The following SULF1 variants were observed in gnomAD, a reference collection of about 807,000 sequenced individuals.
SULF1 encodes sulfatase 1, also known as extracellular sulfatase Sulf-1.
In SULF1, 46 loss-of-function variants were observed where a neutral mutation model predicts 110.5. That is an observed-to-expected ratio of 0.42 (90% CI 0.33 to 0.53). The LOEUF (loss-of-function observed/expected upper bound fraction) is 0.53. Among genes scored for constraint, SULF1 ranks in the 20% least tolerant of loss-of-function variants. The pLI is 0.12. For synonymous variants in SULF1, 371 were observed against 387.1 expected (o/e 0.96, Z 0.49); for missense variants, 941 against 1,094.2 (o/e 0.86, Z 1.98).
At chr8:69,581,340 T>C (rs536892345) in intron 6 of SULF1, among the ~76,000 whole-genome samples, 144 of 152,376 alleles carry the variant, frequency 9.5e-4, no homozygotes, top group African/African-American at 3.3e-3. Flanking sequence ...TCACTATTGC[T>C]GGCTTTAAAA....
chr8:69,589,882 A>G (rs966345326), intron 8 of SULF1, among the ~76,000 whole-genome samples: 5 of 152,212 alleles, frequency 3.3e-5, no homozygotes, highest in Admixed American at 6.5e-5. Flanking sequence ...AAGCTTTGCC[A>G]TCAATATCCA....
intron 13 of SULF1, among the ~76,000 whole-genome samples, chr8:69,608,559 CCTGTAATTCCAG>C (rs1289663192): frequency 6.6e-6 from 1 of 152,026 alleles, no homozygotes; most frequent in South Asian, 2.1e-4. Flanking sequence ...GTGGTGGGCA[CCTGTAATTCCAG>C]CTACTTGGGA....
rs1473830022 is a variant in SULF1 at position 69,651,056 on chromosome 8, C to CTT, written c.2586-7435_2586-7434dup. Among the ~76,000 whole-genome samples, 50 of 137,484 alleles carry CTT rather than the reference C, an allele frequency of 3.6e-4. 3 individuals are homozygous for CTT. Among genetic ancestry groups the CTT allele is most frequent in the African/African-American group, 1.0e-3 (36 of 35,714 alleles). 90.2% of individuals were successfully genotyped at this position (137,484 alleles called of 152,430 possible). A position where few individuals can be genotyped will look rare whatever the true frequency, so the allele number is the denominator to read the frequency against. ...CAACATCTATTCTTTTTTTTCTTTT[C>CTT]TTTTTTTTTTTTTTTGAGACAGAGT... On this transcript the variant is annotated intron_variant, in intron 22 of 22. Coordinates refer to ENST00000402687, the MANE Select transcript of SULF1 (RefSeq NM_001128205.2).
At chr8:69,637,577 G>T (rs927531003) in intron 19 of SULF1, 1 of 153,868 alleles carries the variant, frequency 6.5e-6, no homozygotes, top group Non-Finnish European at 1.4e-5. Context: ...ATTGAAGAAT[G>T]TATTCCAATA....
At chr8:69,598,305 A>G (rs1287188758) in intron 8 of SULF1, among the ~76,000 whole-genome samples, 2 of 152,248 alleles carry the variant, frequency 1.3e-5, no homozygotes, top group Non-Finnish European at 2.9e-5. Flanking sequence ...AGGAAATTCA[A>G]GCGCCTCTGT....
intron 19 of SULF1, among the ~76,000 whole-genome samples, chr8:69,635,466 AAAT>A (rs1450840725): frequency 6.6e-6 from 1 of 152,240 alleles, no homozygotes; most frequent in Non-Finnish European, 1.5e-5. Context: ...TAGTCTATTA[AAAT>A]AATTTTTTAA....
intron 5 of SULF1, among the ~76,000 whole-genome samples, chr8:69,564,841 T>C (rs570054092): frequency 2.6e-5 from 4 of 152,306 alleles, no homozygotes; most frequent in Admixed American, 2.6e-4. Flanking sequence ...GGCCAATTCT[T>C]CTAGTCCACC....
intron 3 of SULF1, among the ~76,000 whole-genome samples, chr8:69,528,836 C>T (rs912120157): frequency 6.6e-6 from 1 of 151,996 alleles, no homozygotes; most frequent in East Asian, 1.9e-4. Flanking sequence ...GTAGTAGTTC[C>T]CTGTCTGTTT....
chr8:69,497,113 A>G (rs1810416025), intron 2 of SULF1, among the ~76,000 whole-genome samples: 1 of 149,126 alleles, frequency 6.7e-6, no homozygotes, highest in Non-Finnish European at 1.5e-5. Flanking sequence ...ACCAGTTATT[A>G]CTTTCCAAGG....
chr8:69,535,595 G>A (rs985648737), intron 3 of SULF1, among the ~76,000 whole-genome samples: 6 of 152,126 alleles, frequency 3.9e-5, no homozygotes, highest in African/African-American at 1.4e-4. Flanking sequence ...AGGATGTAAG[G>A]AGTAAAGCTC....
chr8:69,566,161 G>A (rs1387596473), intron 5 of SULF1, among the ~76,000 whole-genome samples: 4 of 151,982 alleles, frequency 2.6e-5, no homozygotes, highest in Admixed American at 2.0e-4. Context: ...TGTGTTTTAT[G>A]TTGCACTCCT....
intron 3 of SULF1, among the ~76,000 whole-genome samples, chr8:69,514,260 G>A (rs533260157): frequency 3.9e-4 from 60 of 152,306 alleles, no homozygotes; most frequent in African/African-American, 1.2e-3. Flanking sequence ...AAGCATGGAT[G>A]GGGAAGGGCT....
chr8:69,655,242 A>AT lies in SULF1; in HGVS notation c.2586-3261dup, dbSNP rs1203944770. Among the ~76,000 whole-genome samples the AT allele has an allele frequency of 3.9e-5, 6 of 152,122 alleles. No individual in the cohort carries two copies. The East Asian group carries it at 1.2e-3, about 29-fold the overall frequency. ...TGCAGTCTCTGACTCTCTTTTTGGC[A>AT]TTATATGTCTGACAGTGCAAGAGGA... On this transcript the variant is annotated intron_variant, in intron 22 of 22. Transcript: ENST00000402687.
At chr8:69,466,984 CT>C (rs1449695467) in intron 1 of SULF1, 1 of 152,168 alleles carries the variant, frequency 6.6e-6, no homozygotes, top group Non-Finnish European at 1.5e-5. Context: ...TTCTCTCCCC[CT>C]CTCTCTTTTA....
In SULF1 at chr8:69,495,762, C is replaced by G. The variant is rs2150562216; in HGVS notation, c.-390-3C>G. On this transcript the variant is annotated splice_polypyrimidine_tract_variant and splice_region_variant and intron_variant, in intron 1 of 22. Transcript: ENST00000402687. ...TATCAAAAACAAACCCTTTCCTTAA[C>G]AGGGATTCTTCACTTCTCTTGAACA... The G allele has an allele frequency of 6.6e-6, 1 of 152,338 alleles. No individual in the cohort carries two copies. Among genetic ancestry groups the G allele is most frequent in the East Asian group, 1.9e-4 (1 of 5,186 alleles). 9.4% of individuals were successfully genotyped at this position (152,338 alleles called of 1,614,324 possible).
intron 1 of SULF1, among the ~76,000 whole-genome samples, chr8:69,475,416 A>T (rs1049305429): frequency 9.1e-5 from 6 of 65,874 alleles, no homozygotes; most frequent in East Asian, 2.7e-4. Flanking sequence ...CAAATAAATT[A>T]AAAAAAAAAT....
chr8:69,511,985 A>C (rs1811598314), intron 3 of SULF1, among the ~76,000 whole-genome samples: 1 of 152,222 alleles, frequency 6.6e-6, no homozygotes, highest in Non-Finnish European at 1.5e-5. Context: ...TGAAAGATGA[A>C]AATAAAATTC....
intron 3 of SULF1, among the ~76,000 whole-genome samples, chr8:69,547,823 T>C (rs942235817): frequency 6.6e-6 from 1 of 151,994 alleles, no homozygotes; most frequent in African/African-American, 2.4e-5. Context: ...CAACAAAGGG[T>C]TGCTGAATCA....
intron 2 of SULF1, among the ~76,000 whole-genome samples, chr8:69,499,714 A>G (rs1810655503): frequency 6.6e-6 from 1 of 152,194 alleles, no homozygotes; most frequent in African/African-American, 2.4e-5. Context: ...TCAATAGCCC[A>G]TAACAATTAA....
Sources: allele counts gnomAD v4.1 joint callset (sites outside exome capture counted in the v4.1 genomes callset), GRCh38; gene constraint gnomAD v4.1.1; transcripts MANE v1.5; gene names NCBI Gene and HGNC (gene_info 2026-07-23, HGNC 2026-07-21).